CGREF1: variants seen among roughly 807,000 people sequenced by gnomAD.
CGREF1 encodes cell growth regulator with EF hand domain protein 1.
A neutral mutation model predicts 17.4 loss-of-function variants in CGREF1; 16 were observed. That is an observed-to-expected ratio of 0.92 (90% CI 0.62 to 1.40). CGREF1 has a LOEUF of 1.40. Among genes scored for constraint, CGREF1 ranks in the 40% most tolerant of loss-of-function variants. The pLI is 0.00. For synonymous variants in CGREF1, 142 were observed against 154.6 expected (o/e 0.92, Z 0.61); for missense variants, 296 against 376.4 (o/e 0.79, Z 1.77).
chr2:27,116,874 T>TCTCTCTCTCTCTCTCTCC (rs1671591004), intron 1 of CGREF1, among the ~76,000 whole-genome samples: 3 of 21,490 alleles, frequency 1.4e-4, no homozygotes, highest in Non-Finnish European at 2.7e-4. Flanking sequence ...AGGCCTATTC[T>TCTCTCTCTCTCTCTCTCC]CTCTCTCTCT....
downstream of CGREF1, chr2:27,100,184 G>A (rs1670725138): frequency 8.7e-6 from 4 of 457,548 alleles, no homozygotes; most frequent in East Asian, 4.6e-5. Flanking sequence ...CAGTGAACCT[G>A]CCAAAGAAAC....
At chr2:27,116,538 GA>G (rs887159750) in intron 1 of CGREF1, among the ~76,000 whole-genome samples, 18 of 143,560 alleles carry the variant, frequency 1.3e-4, no homozygotes, top group South Asian at 4.4e-4. Context: ...AAAAGAGAGA[GA>G]AAAAAAAAAG....
intron 1 of CGREF1, among the ~76,000 whole-genome samples, chr2:27,111,784 C>T (rs899110833): frequency 1.3e-5 from 2 of 152,012 alleles, no homozygotes; most frequent in Non-Finnish European, 2.9e-5. Context: ...CGAGCCCACG[C>T]CCACCCGGAA....
intron 1 of CGREF1, among the ~76,000 whole-genome samples, chr2:27,114,338 A>G (rs1487845941): frequency 6.6e-6 from 1 of 151,576 alleles, no homozygotes; most frequent in Non-Finnish European, 1.5e-5. Flanking sequence ...CCAAAGGATG[A>G]CTCTGGGGGG....
At chr2:27,112,843 C>G (rs1379700850) in intron 1 of CGREF1, among the ~76,000 whole-genome samples, 1 of 152,152 alleles carries the variant, frequency 6.6e-6, no homozygotes, top group Non-Finnish European at 1.5e-5. Context: ...AAATCACGTT[C>G]GAGGAGACAA....
chr2:27,104,666 C>T, intron 1 of CGREF1: 3 of 1,550,564 alleles, frequency 1.9e-6, no homozygotes, highest in Non-Finnish European at 2.6e-6. Context: ...CCCTTGCTCC[C>T]CACTAGGTGC....
At chr2:27,103,072 G>C in intron 2 of CGREF1, 9 of 985,362 alleles carry the variant, frequency 9.1e-6, no homozygotes, top group Non-Finnish European at 1.1e-5. Context: ...GTATCTGTTG[G>C]TTCTGGGGTT....
chr2:27,099,990 A>C (rs1205293794), downstream of CGREF1: 2 of 816,220 alleles, frequency 2.5e-6, no homozygotes, highest in African/African-American at 3.9e-5. Flanking sequence ...TCAATGTCTG[A>C]ACTGCTCTGG....
Position 27,102,204 on chromosome 2 carries a change from C to T in CGREF1, c.235G>A (p.Ala79Thr). The change falls in exon 5 of 6, where the codon GCC becomes ACC. Residue 79 changes from alanine (A) to threonine (T), a missense_variant. Ala to Thr is a moderately conservative substitution (Grantham distance 58). Transcript: ENST00000402394. ...SREQVLLYLF[A>T]LHDYDQSGQL... ...CCACTCTGGTCATAGTCATGGAGGG[C>T]AAAGAGGTAGAGGAGAACTAAAGAG... 4 of 1,611,914 alleles carry T rather than the reference C, an allele frequency of 2.5e-6. No homozygotes were observed. Among genetic ancestry groups the T allele is most frequent in the Non-Finnish European group, 3.4e-6 (4 of 1,178,288 alleles).
chr2:27,104,590 C>T, intron 1 of CGREF1: 3 of 1,550,624 alleles, frequency 1.9e-6, no homozygotes, highest in Non-Finnish European at 2.6e-6. Context: ...GTATATAAAG[C>T]ACATAAAGGC....
intron 1 of CGREF1, among the ~76,000 whole-genome samples, chr2:27,107,594 T>C (rs1671173572): frequency 6.7e-6 from 1 of 150,350 alleles, no homozygotes; most frequent in East Asian, 2.0e-4. Context: ...CTTGAAACTA[T>C]GAGGAAGAAA....
chr2:27,111,759 C>T (rs1558464266), intron 1 of CGREF1, among the ~76,000 whole-genome samples: 1 of 151,886 alleles, frequency 6.6e-6, no homozygotes, highest in African/African-American at 2.4e-5. Flanking sequence ...CCGGCAGCTC[C>T]GAGTGCTGGG....
intron 1 of CGREF1, among the ~76,000 whole-genome samples, chr2:27,112,879 G>C (rs929954425): frequency 6.6e-6 from 1 of 152,186 alleles, no homozygotes; most frequent in Non-Finnish European, 1.5e-5. Context: ...AGGAATTGCC[G>C]CTAGTGTGTG....
chr2:27,099,379 C>T (rs182367966), downstream of CGREF1: 752 of 1,611,352 alleles, frequency 4.7e-4, 5 homozygotes, highest in African/African-American at 8.5e-3. Flanking sequence ...GCTGGGGGGA[C>T]GGGGTGGGCT....
chr2:27,102,027 G>T lies in CGREF1; in HGVS notation c.342+70C>A, dbSNP rs557629978. 32 of 1,560,672 alleles carry T rather than the reference G, an allele frequency of 2.1e-5. No homozygotes were observed. In the Admixed American group the frequency reaches 2.7e-4, roughly 13 times the overall value. ...ACAGAGGACTCACCAAAAGAGTTATGATGAGAAAGACCAAAGCCCCAAAGT... is the reference window on the plus strand; with the variant it reads ...ACAGAGGACTCACCAAAAGAGTTATTATGAGAAAGACCAAAGCCCCAAAGT... On this transcript the variant is annotated intron_variant, in intron 5 of 5. Coordinates refer to ENST00000402394, the MANE Select transcript of CGREF1 (RefSeq NM_006569.6).
Position 27,100,937 on chromosome 2 carries a change from C to T in CGREF1, c.*337G>A. ...CTGGGTCCTCTGCAGCCGGCCATGGCTAGCACCATGCGCTCTGCTGCCGGA... is the reference window on the plus strand; with the variant it reads ...CTGGGTCCTCTGCAGCCGGCCATGGTTAGCACCATGCGCTCTGCTGCCGGA... On this transcript the variant is annotated 3_prime_UTR_variant, in exon 6 of 6. Coordinates refer to ENST00000402394, the MANE Select transcript of CGREF1 (RefSeq NM_006569.6). 1 of 1,131,886 alleles carries T rather than the reference C, an allele frequency of 8.8e-7. No individual in the cohort carries two copies. Among genetic ancestry groups the T allele is most frequent in the South Asian group, 2.8e-5 (1 of 35,836 alleles). The allele number at this position is 1,131,886 out of a possible 1,614,324, so 70.1% of individuals were successfully genotyped here.
intron 1 of CGREF1, among the ~76,000 whole-genome samples, chr2:27,115,943 A>G (rs1369459933): frequency 2.6e-5 from 4 of 152,192 alleles, no homozygotes; most frequent in African/African-American, 9.6e-5. Flanking sequence ...GCTGAGTACA[A>G]TGGCTCACGC....
At chr2:27,109,111 T>C (rs1348837919) in intron 1 of CGREF1, among the ~76,000 whole-genome samples, 3 of 152,192 alleles carry the variant, frequency 2.0e-5, no homozygotes, top group Non-Finnish European at 4.4e-5. Flanking sequence ...AGTTCGTGCC[T>C]GTAATCCCAG....
At chr2:27,107,636 T>TAAA (rs555266964) in intron 1 of CGREF1, among the ~76,000 whole-genome samples, 1 of 138,202 alleles carries the variant, frequency 7.2e-6, no homozygotes, top group African/African-American at 2.6e-5. Flanking sequence ...CAGTATGTTT[T>TAAA]AAAAAAAAAA....
Sources: gnomAD v4.1 joint callset for allele counts (sites outside exome capture counted in the v4.1 genomes callset) on GRCh38, gnomAD v4.1.1 for gene constraint, MANE v1.5 for transcripts, NCBI Gene and HGNC (gene_info 2026-07-23, HGNC 2026-07-21) for gene names.